Variants in MYRF observed in about 807,000 individuals in gnomAD.
MYRF encodes the protein myelin regulatory factor, also known as myelin gene regulatory factor.
A neutral mutation model predicts 126.3 loss-of-function variants in MYRF; 16 were observed. The ratio of observed to expected loss-of-function variants is 0.13; its 90% CI spans 0.09 to 0.19. The LOEUF is 0.19. Ranked by LOEUF, MYRF falls within the 10% of genes least tolerant of loss-of-function variation. The pLI, the probability that MYRF is intolerant of heterozygous loss-of-function variation, is 1.00. For missense variants in MYRF, 1,104 were observed against 1,547.0 expected, an observed-to-expected ratio of 0.71 and a Z score of 4.80; for synonymous variants, 608 against 635.3, an observed-to-expected ratio of 0.96 and a Z score of 0.65.
At position 61,770,541 on chromosome 11, in the gene MYRF, C is replaced by G; in HGVS notation, c.740+16C>G. The G allele has an allele frequency of 6.5e-7, 1 of 1,540,922 alleles. No individual in the cohort carries two copies. Among genetic ancestry groups the G allele is most frequent in the African/African-American group, 1.4e-5 (1 of 73,540 alleles). Reference sequence around the variant, plus strand: ...ACGGAGCTGAGTAAGACGTGGGTGGCTGGCTCCATGGGGTGGGAAGGTGGG... The same window carrying G: ...ACGGAGCTGAGTAAGACGTGGGTGGGTGGCTCCATGGGGTGGGAAGGTGGG... On this transcript the variant is annotated intron_variant, in intron 5 of 26. Transcript: ENST00000278836.
intron 8 of MYRF, among the ~76,000 whole-genome samples, chr11:61,774,613 C>T (rs2066324608): frequency 1.3e-5 from 2 of 151,718 alleles, no homozygotes; most frequent in Non-Finnish European, 2.9e-5. Context: ...TGCCACCCCG[C>T]CCTCCCGCCT....
chr11:61,779,275 A>T lies in MYRF; in HGVS notation c.2026A>T (p.Met676Leu). The T allele has an allele frequency of 1.3e-6, 2 of 1,543,842 alleles. No individual in the cohort carries two copies. The highest frequency in any genetic ancestry group is 1.7e-4 in the Middle Eastern group (1 of 5,988). The stretch of plus-strand genomic sequence containing the variant: ...TGGCCCATGGCAGGAGCGCATCTTC[A>T]TGGAGAACGTAGGGGCCGTGAAGGA... ...FLVVNKERIF[M>L]ENVGAVKELC... is the part of the protein sequence containing the mutation. Residue 676 changes from methionine to leucine, a missense_variant, in exon 15 of 27, where the codon ATG becomes TTG. Met to Leu is a conservative substitution (Grantham distance 15). Transcript: ENST00000278836.
rs1351879995 is a variant in MYRF at position 61,781,614 on chromosome 11, G to A, written c.2806G>A (p.Ala936Thr). The change falls in exon 22 of 27, where the codon GCC becomes ACC. Residue 936 changes from alanine (A) to threonine (T), a missense_variant. Coordinates refer to ENST00000278836, the MANE Select transcript of MYRF (RefSeq NM_001127392.3). The part of the protein sequence containing the change: ...MALLPVTNIR[A>T]KSWGLSVNGI... ...CCTTCTGCCAGTCACCAACATCAGA[G>A]CCAAGTCCTGGGGTCTTTCAGTCAA... 6.2e-7 allele frequency: 1 copy of A among 1,613,808 alleles called. No homozygotes were observed. Among genetic ancestry groups the A allele is most frequent in the African/African-American group, 1.3e-5 (1 of 74,952 alleles).
chr11:61,764,161 G>A (rs563830711), intron 1 of MYRF, among the ~76,000 whole-genome samples: 7 of 152,314 alleles, frequency 4.6e-5, no homozygotes, highest in South Asian at 4.1e-4. Context: ...CTGGCCTGTC[G>A]CAGGCAGCGC....
Position 61,776,522 on chromosome 11 carries a change from CAGGCTGAGCCATT to C in MYRF, c.1499+91_1499+103del. 1 of 1,060,348 alleles carries C rather than the reference CAGGCTGAGCCATT, an allele frequency of 9.4e-7. No homozygotes were observed. The highest frequency in any genetic ancestry group is 1.6e-5 in the African/African-American group (1 of 63,124). The allele number at this position is 1,060,348 out of a possible 1,614,324, so 65.7% of individuals were successfully genotyped here. ...GTGGCACACCAGGCACAGAGTCCTA[CAGGCTGAGCCATT>C]TCACAGATGAGAGACCTGAGATTTA... On this transcript the variant is annotated intron_variant, in intron 10 of 26. Coordinates refer to ENST00000278836, the MANE Select transcript of MYRF (RefSeq NM_001127392.3). This position sits in a 1 kb window ranked among gnomAD's most constrained non-coding sequence, Gnocchi z 4.3.
rs1451525055 is a variant in MYRF, at chr11:61,786,109, ACTAC to A, written c.3424_3427del (p.Tyr1142ThrfsTer14). ...GAGGCTCTCGCCCAGCCAGCCACAGACTACCACTTCCACTTCTACCGCCTGTGTG... is the reference window on the plus strand; with the variant it reads ...GAGGCTCTCGCCCAGCCAGCCACAGACACTTCCACTTCTACCGCCTGTGTG... On this transcript the variant is annotated frameshift_variant, in exon 27 of 27. Transcript: ENST00000278836. LOFTEE classifies it high-confidence loss of function. This position sits in a 1 kb window ranked among gnomAD's most constrained non-coding sequence, Gnocchi z 4.5. The A allele has an allele frequency of 6.2e-7, 1 of 1,614,140 alleles. No homozygotes were observed. The highest frequency in any genetic ancestry group is 8.5e-7 in the Non-Finnish European group (1 of 1,180,008).
chr11:61,756,700 C>T (rs116571882), intron 1 of MYRF, among the ~76,000 whole-genome samples: 174 of 151,884 alleles, frequency 1.1e-3, no homozygotes, highest in African/African-American at 3.6e-3. Flanking sequence ...GGGTGGGGGA[C>T]GCACCCCAGA....
At chr11:61,764,214 G>A (rs1029336116) in intron 1 of MYRF, among the ~76,000 whole-genome samples, 14 of 152,220 alleles carry the variant, frequency 9.2e-5, no homozygotes, top group East Asian at 5.8e-4. Context: ...TCACCTAAGC[G>A]GGGCTCAGCA....
In MYRF at chr11:61,765,984, C is replaced by A; in HGVS notation, c.161C>A (p.Ala54Asp). The change falls in exon 3 of 27, where the codon GCC (alanine) becomes GAC (aspartate). Residue 54 changes from alanine (A) to aspartate (D), a missense_variant. Physicochemically the swap from Ala to Asp is moderately radical, Grantham distance 126. Transcript: ENST00000278836. ...DLCFPDISAP[A>D]SSASYSHGQP... ...TGCTTCCCTGACATCTCTGCTCCAG[C>A]CAGCTCGGCCTCCTACTCCCACGGG... 6.4e-7 allele frequency: 1 copy of A among 1,552,094 alleles called. No homozygotes were observed. Among genetic ancestry groups the A allele is most frequent in the South Asian group, 1.2e-5 (1 of 83,650 alleles).
At chr11:61,771,270 G>A (rs1399069053) in intron 5 of MYRF, among the ~76,000 whole-genome samples, 1 of 152,230 alleles carries the variant, frequency 6.6e-6, no homozygotes, top group Admixed American at 6.5e-5. Flanking sequence ...GTCAGGTGTG[G>A]CTCCTGTCCA....
At chr11:61,785,904 G>C in intron 26 of MYRF, 30 bp downstream of exon 26, 4 of 1,609,358 alleles carry the variant, frequency 2.5e-6, no homozygotes, top group Non-Finnish European at 3.4e-6. Flanking sequence ...CTACCCTGGA[G>C]GTCTGGGCAC....
chr11:61,766,538 C>T (rs2071213), intron 3 of MYRF: 133,330 of 357,930 alleles, frequency 0.37, 27,130 homozygotes, highest in East Asian at 0.67. Context: ...GACTGTTTAC[C>T]TTCATGGGAA....
Position 61,771,604 on chromosome 11 carries a change from T to C in MYRF, c.845T>C (p.Val282Ala), listed in dbSNP as rs745738268. 6.8e-5 allele frequency: 110 copies of C among 1,613,760 alleles called. No homozygotes were observed. The highest frequency in any genetic ancestry group is 9.0e-5 in the Non-Finnish European group (106 of 1,179,982). The change falls in exon 6 of 27, where the codon GTG becomes GCG. Residue 282 changes from valine (V) to alanine (A), a missense_variant. Physicochemically the swap from Val to Ala is moderately conservative, Grantham distance 64. Transcript: ENST00000278836. ...ATGATCAAACAGGAGCCTGGGACCG[T>C]GACAGCCCTGCCTCTGCACCCCACT... Reference protein sequence around the residue: ...NGMIKQEPGTVTALPLHPTRA... With the variant: ...NGMIKQEPGTATALPLHPTRA...
intron 1 of MYRF, among the ~76,000 whole-genome samples, chr11:61,763,431 T>A (rs765783540): frequency 6.6e-6 from 1 of 152,210 alleles, no homozygotes; most frequent in African/African-American, 2.4e-5. Context: ...ATCGCCATGA[T>A]GAGTTGAGAA....
chr11:61,775,467 C>G (rs535745306), intron 8 of MYRF, among the ~76,000 whole-genome samples: 2 of 152,344 alleles, frequency 1.3e-5, no homozygotes, highest in African/African-American at 4.8e-5. Flanking sequence ...ACAGCACAAC[C>G]CCAGTAGTGG....
intron 8 of MYRF, among the ~76,000 whole-genome samples, chr11:61,774,802 T>C (rs555555117): frequency 2.6e-5 from 4 of 151,844 alleles, no homozygotes; most frequent in South Asian, 2.1e-4. Flanking sequence ...TGTGCCTCCT[T>C]GCCTCCCTGC....
intron 1 of MYRF, among the ~76,000 whole-genome samples, chr11:61,764,256 G>T (rs1242333936): frequency 6.6e-6 from 1 of 152,246 alleles, no homozygotes; most frequent in African/African-American, 2.4e-5. Context: ...CCAGGGAGGG[G>T]CCTGGGCGGG....
intron 1 of MYRF, among the ~76,000 whole-genome samples, chr11:61,762,175 A>T (rs2065917505): frequency 6.6e-6 from 1 of 152,112 alleles, no homozygotes; most frequent in African/African-American, 2.4e-5. Flanking sequence ...GAGGATGGAA[A>T]GGAGGCAAGG....
chr11:61,778,960 G>A lies in MYRF; in HGVS notation c.2014-303G>A. On this transcript the variant is annotated intron_variant, in intron 14 of 26. Coordinates refer to ENST00000278836, the MANE Select transcript of MYRF (RefSeq NM_001127392.3). The surrounding 1 kb of genome is among the most constrained non-coding windows in gnomAD (Gnocchi z 4.6). ...AGTCATCCGAGGGGCAGATCCCGGG[G>A]CTGCAGCCTTCAGGCTTAGGAGAGG... 2 of 622,688 alleles carry A rather than the reference G, an allele frequency of 3.2e-6. No individual in the cohort carries two copies. The highest frequency in any genetic ancestry group is 3.4e-5 in the East Asian group (1 of 29,650). The allele number at this position is 622,688 out of a possible 1,614,324, so 38.6% of individuals were successfully genotyped here.
Sources: allele counts gnomAD v4.1 joint callset (sites outside exome capture counted in the v4.1 genomes callset), GRCh38; gene constraint gnomAD v4.1.1; non-coding constraint Gnocchi (gnomAD v3.1); transcripts MANE v1.5; gene names NCBI Gene and HGNC (gene_info 2026-07-23, HGNC 2026-07-21).